CAMKMT: variants seen among roughly 807,000 people sequenced by gnomAD.
The protein encoded by CAMKMT is calmodulin-lysine N-methyltransferase, also known as CaM KMT.
CAMKMT carries 53 observed loss-of-function variants against 48.0 expected under a neutral mutation model. The ratio of observed to expected loss-of-function variants is 1.10; its 90% CI spans 0.89 to 1.39. The LOEUF (loss-of-function observed/expected upper bound fraction) is 1.39, where lower values mean the gene tolerates loss of function less well. Ranked by LOEUF, CAMKMT falls within the 40% of genes most tolerant of loss-of-function variation. CAMKMT has a pLI of 0.00. For missense variants in CAMKMT, 428 were observed against 402.7 expected, an observed-to-expected ratio of 1.06 and a Z score of -0.54; for synonymous variants, 165 against 152.3, an observed-to-expected ratio of 1.08 and a Z score of -0.61.
chr2:44,431,438 T>A (rs1043558532), intron 3 of CAMKMT, among the ~76,000 whole-genome samples: 5 of 152,184 alleles, frequency 3.3e-5, no homozygotes, highest in Admixed American at 3.3e-4. Flanking sequence ...TGCCATTTAT[T>A]ATAGTGCTAA....
intron 3 of CAMKMT, among the ~76,000 whole-genome samples, chr2:44,489,787 A>G (rs1669396914): frequency 1.3e-5 from 2 of 152,206 alleles, no homozygotes; most frequent in African/African-American, 2.4e-5. Flanking sequence ...CTAATTTAAA[A>G]TGAAATTAAA....
intron 3 of CAMKMT, among the ~76,000 whole-genome samples, chr2:44,682,231 G>C (rs1373525228): frequency 6.6e-6 from 1 of 152,110 alleles, no homozygotes; most frequent in East Asian, 1.9e-4. Flanking sequence ...TTCAGTAATC[G>C]TTTATGAAAT....
intron 3 of CAMKMT, among the ~76,000 whole-genome samples, chr2:44,527,411 A>T (rs1010664736): frequency 1.9e-4 from 22 of 116,482 alleles, no homozygotes; most frequent in Non-Finnish European, 3.4e-4. Flanking sequence ...ATACGTATAT[A>T]TATTATATAT....
chr2:44,608,070 C>CTTTTTTTT (rs10587945), intron 3 of CAMKMT, among the ~76,000 whole-genome samples: 1 of 111,942 alleles, frequency 8.9e-6, no homozygotes, highest in Non-Finnish European at 1.8e-5. Flanking sequence ...ATATATTTTC[C>CTTTTTTTT]TTTTTTTTTT....
At chr2:44,733,054 TG>T (rs1206593918) in intron 7 of CAMKMT, among the ~76,000 whole-genome samples, 6 of 152,208 alleles carry the variant, frequency 3.9e-5, no homozygotes, top group Non-Finnish European at 7.4e-5. Flanking sequence ...TTTATAGTTT[TG>T]GGTTTTACAT....
At chr2:44,527,472 G>A (rs1258571459) in intron 3 of CAMKMT, among the ~76,000 whole-genome samples, 1 of 142,916 alleles carries the variant, frequency 7.0e-6, no homozygotes, top group Non-Finnish European at 1.5e-5. Flanking sequence ...CTGTTGCCCA[G>A]GCTGGTCTTG....
At chr2:44,377,486 A>C (rs1406526179) in intron 2 of CAMKMT, among the ~76,000 whole-genome samples, 1 of 151,598 alleles carries the variant, frequency 6.6e-6, no homozygotes, top group Non-Finnish European at 1.5e-5. Context: ...TAGATACAAG[A>C]AATTGTTCCT....
intron 3 of CAMKMT, among the ~76,000 whole-genome samples, chr2:44,619,366 G>T (rs1256923211): frequency 6.6e-6 from 1 of 151,966 alleles, no homozygotes; most frequent in Non-Finnish European, 1.5e-5. Context: ...ATTTAGTAGG[G>T]TTACCTGGCA....
chr2:44,675,476 TCTC>T (rs929941815), intron 3 of CAMKMT, among the ~76,000 whole-genome samples: 8 of 152,098 alleles, frequency 5.3e-5, no homozygotes, highest in East Asian at 1.9e-4. Flanking sequence ...CCCTCCCTGT[TCTC>T]CTTCTTTCTT....
intron 3 of CAMKMT, among the ~76,000 whole-genome samples, chr2:44,606,599 T>G (rs1179168191): frequency 1.3e-5 from 2 of 152,216 alleles, no homozygotes; most frequent in Non-Finnish European, 2.9e-5. Context: ...TTTTTATTAT[T>G]TAAATATCAT....
At chr2:44,633,775 T>C (rs1261689570) in intron 3 of CAMKMT, among the ~76,000 whole-genome samples, 1 of 152,204 alleles carries the variant, frequency 6.6e-6, no homozygotes, top group Non-Finnish European at 1.5e-5. Context: ...TCTTTTATCA[T>C]ACTTTTTTTC....
At chr2:44,395,439 C>G (rs1320616136) in intron 3 of CAMKMT, among the ~76,000 whole-genome samples, 1 of 151,770 alleles carries the variant, frequency 6.6e-6, no homozygotes, top group South Asian at 2.1e-4. Context: ...CATTGTATAT[C>G]TATATTTATA....
At chr2:44,724,770 T>A (rs1409868852) in intron 7 of CAMKMT, among the ~76,000 whole-genome samples, 1 of 152,192 alleles carries the variant, frequency 6.6e-6, no homozygotes, top group Non-Finnish European at 1.5e-5. Flanking sequence ...TAATTCTGAT[T>A]CGTTTCTTGT....
chr2:44,550,894 G>T (rs1667676323), intron 3 of CAMKMT: 1 of 152,206 alleles, frequency 6.6e-6, no homozygotes, highest in Admixed American at 6.5e-5. Context: ...TCTTCATAGA[G>T]ACTGCCGAGA....
intron 3 of CAMKMT, among the ~76,000 whole-genome samples, chr2:44,469,927 TTTCTAA>T: frequency 6.6e-6 from 1 of 152,110 alleles, no homozygotes; most frequent in African/African-American, 2.4e-5. Flanking sequence ...ATTTCTGGGT[TTTCTAA>T]TTCTGATTTA....
At chr2:44,702,173 A>G (rs1373692232) in intron 3 of CAMKMT, among the ~76,000 whole-genome samples, 1 of 152,158 alleles carries the variant, frequency 6.6e-6, no homozygotes, top group Non-Finnish European at 1.5e-5. Flanking sequence ...AATTCATTAT[A>G]GTGGTGATTA....
chr2:44,547,385 G>C (rs898296345), intron 3 of CAMKMT, among the ~76,000 whole-genome samples: 2 of 152,266 alleles, frequency 1.3e-5, no homozygotes, highest in African/African-American at 2.4e-5. Flanking sequence ...TGATGCTGAC[G>C]TGGTGGTGCA....
At chr2:44,598,583 A>C (rs1421795656) in intron 3 of CAMKMT, among the ~76,000 whole-genome samples, 1 of 150,994 alleles carries the variant, frequency 6.6e-6, no homozygotes. Context: ...AGTCTATGAA[A>C]CCTACTTAGA....
At chr2:44,364,242 G>A (rs1678356572) in intron 1 of CAMKMT, among the ~76,000 whole-genome samples, 1 of 152,094 alleles carries the variant, frequency 6.6e-6, no homozygotes. Flanking sequence ...AGCTGTGGCT[G>A]TTACATGAAG....
Sources: gnomAD v4.1 joint callset for allele counts (sites outside exome capture counted in the v4.1 genomes callset) on GRCh38, gnomAD v4.1.1 for gene constraint, MANE v1.5 for transcripts, NCBI Gene and HGNC (gene_info 2026-07-23, HGNC 2026-07-21) for gene names.